LRRC66: variants seen among roughly 807,000 people sequenced by gnomAD.
LRRC66 encodes leucine rich repeat containing 66.
LRRC66 carries 29 observed loss-of-function variants against 24.6 expected under a neutral mutation model. That is an observed-to-expected ratio of 1.18 (90% CI 0.88 to 1.61). The LOEUF (loss-of-function observed/expected upper bound fraction) is 1.61. Ranked by LOEUF, LRRC66 falls within the 40% of genes most tolerant of loss-of-function variation. LRRC66 has a pLI of 0.00. For synonymous variants in LRRC66, 411 were observed against 397.6 expected (o/e 1.03, Z -0.40); for missense variants, 1,124 against 1,058.0 (o/e 1.06, Z -0.87).
intron 2 of LRRC66, among the ~76,000 whole-genome samples, chr4:52,004,520 A>C (rs1220259441): frequency 6.6e-6 from 1 of 152,212 alleles, no homozygotes; most frequent in Non-Finnish European, 1.5e-5. Context: ...ACTGAAAATA[A>C]ATAAAGGTTG....
intron 1 of LRRC66, among the ~76,000 whole-genome samples, chr4:52,019,227 C>T (rs955102667): frequency 6.6e-6 from 1 of 152,154 alleles, no homozygotes; most frequent in Non-Finnish European, 1.5e-5. Context: ...ATGGCCTGGT[C>T]ATTTTTCCTG....
Position 51,995,146 on chromosome 4 carries a change from C to T in LRRC66, c.1876G>A (p.Val626Met), listed in dbSNP as rs2110189774. 1 of 1,614,228 alleles carries T rather than the reference C, an allele frequency of 6.2e-7. No homozygotes were observed. The highest frequency in any genetic ancestry group is 8.5e-7 in the Non-Finnish European group (1 of 1,180,038). Reference sequence around the variant, plus strand: ...CTCAGCAAATCAATGGATGAACTCACTTGCCTTTCCTTAGAAAATTCCATC... The same window carrying T: ...CTCAGCAAATCAATGGATGAACTCATTTGCCTTTCCTTAGAAAATTCCATC... ...SQMEFSKERQ[V>M]SSSIDLLSIQ... The change falls in exon 5 of 5, where the codon GTG becomes ATG. Residue 626 changes from valine to methionine, a missense_variant. Physicochemically the swap from Val to Met is conservative, Grantham distance 21 (BLOSUM62 1). Coordinates refer to ENST00000682860, the MANE Select transcript of LRRC66 (RefSeq NM_001024611.3).
chr4:51,996,051 G>A lies in LRRC66; in HGVS notation c.971C>T (p.Pro324Leu). The A allele has an allele frequency of 6.2e-7, 1 of 1,613,902 alleles. No homozygotes were observed. The highest frequency in any genetic ancestry group is 8.5e-7 in the Non-Finnish European group (1 of 1,179,984). Residue 324 changes from proline (P) to leucine (L), a missense_variant, in exon 5 of 5, where the codon CCC (proline) becomes CTC (leucine). By Grantham distance (98) the Pro-to-Leu change is moderately conservative. Coordinates refer to ENST00000682860, the MANE Select transcript of LRRC66 (RefSeq NM_001024611.3). ...AATGCCCGTGTGCCTTCCTCCCTGG[G>A]GCCTCTCTGCTTTGCTCCTTATGAG... ...KSLIRSKAERPQGGRHTGIST... is the reference protein window; with the variant it reads ...KSLIRSKAERLQGGRHTGIST...
intron 2 of LRRC66, among the ~76,000 whole-genome samples, chr4:52,011,303 T>C (rs910686045): frequency 1.3e-5 from 2 of 152,242 alleles, no homozygotes; most frequent in Non-Finnish European, 2.9e-5. Flanking sequence ...GGTCAAATTA[T>C]GTAGGTGAGC....
intron 2 of LRRC66, among the ~76,000 whole-genome samples, chr4:52,007,923 C>A (rs1274329397): frequency 1.3e-5 from 2 of 152,104 alleles, no homozygotes; most frequent in African/African-American, 4.8e-5. Context: ...GGGACGAGCC[C>A]TTGAGGAATA....
chr4:52,020,099 G>A (rs534218804), intron 1 of LRRC66, among the ~76,000 whole-genome samples: 35 of 152,232 alleles, frequency 2.3e-4, no homozygotes, highest in Non-Finnish European at 4.6e-4. Context: ...GGAGGAAGCA[G>A]TTAGAAATAC....
intron 3 of LRRC66, among the ~76,000 whole-genome samples, chr4:51,999,266 T>C (rs780501900): frequency 1.3e-5 from 2 of 152,250 alleles, no homozygotes; most frequent in Non-Finnish European, 2.9e-5. Flanking sequence ...CCAATTGCTT[T>C]ATAGACACCC....
chr4:52,017,312 G>T lies in LRRC66; in HGVS notation c.302C>A (p.Thr101Asn). The change falls in exon 2 of 5, where the codon ACC (threonine) becomes AAC (asparagine). Residue 101 changes from threonine to asparagine, a missense_variant. By Grantham distance (65) the Thr-to-Asn change is moderately conservative. Transcript: ENST00000682860. ...DLSNNLISKI[T>N]LSPFAYLHAL... The stretch of plus-strand genomic sequence containing the variant: ...ATGTAAATATGCAAAAGGGCTTAAG[G>T]TTATTTTTGATATGAGATTGTTACT... 1 of 1,614,124 alleles carries T rather than the reference G, an allele frequency of 6.2e-7. No homozygotes were observed. Among genetic ancestry groups the T allele is most frequent in the Non-Finnish European group, 8.5e-7 (1 of 1,179,988 alleles).
At chr4:52,011,821 T>C (rs950075689) in intron 2 of LRRC66, among the ~76,000 whole-genome samples, 38 of 152,126 alleles carry the variant, frequency 2.5e-4, no homozygotes, top group Non-Finnish European at 4.6e-4. Flanking sequence ...CAGGAAGCTT[T>C]TTTAGGTTAA....
chr4:52,014,395 T>C (rs1736767117), intron 2 of LRRC66, among the ~76,000 whole-genome samples: 1 of 152,252 alleles, frequency 6.6e-6, no homozygotes, highest in Non-Finnish European at 1.5e-5. Flanking sequence ...GATTCTGAAG[T>C]AGTTTTCATA....
rs1736264686 is a variant in LRRC66, at chr4:51,995,104, G to A, written c.1918C>T (p.Leu640=). 1.2e-6 allele frequency: 2 copies of A among 1,614,130 alleles called. No homozygotes were observed. Among genetic ancestry groups the A allele is most frequent in the African/African-American group, 2.7e-5 (2 of 74,944 alleles). ...GCTTCCTCAGCCCTTGCCCCGGACA[G>A]CCTTGGCTGCTGTATGCTCAGCAAA... is the stretch of plus-strand genomic sequence containing the variant. ...IDLLSIQQPR[L]SGARAEEALS... is the part of the protein sequence containing the mutation. The change falls in exon 5 of 5, where the codon CTG becomes TTG. Residue 640 remains leucine (L), a synonymous_variant. Transcript: ENST00000682860.
At chr4:52,001,972 C>T (rs894225318) in intron 3 of LRRC66, among the ~76,000 whole-genome samples, 1 of 152,164 alleles carries the variant, frequency 6.6e-6, no homozygotes, top group African/African-American at 2.4e-5. Context: ...AGTATTTAAA[C>T]ATATATATCA....
rs959515975 is a variant in LRRC66, at chr4:51,994,397, GTC to G, written c.2623_2624del (p.Asp875LeufsTer11). On this transcript the variant is annotated frameshift_variant, in exon 5 of 5. Transcript: ENST00000682860. LOFTEE classifies it low-confidence loss of function (END_TRUNC). Reference sequence around the variant, plus strand: ...AAGATTCTTATTTTAAAATGTCTGAGTCTCTTTCATGGAAGGCAGCCTTATCA... The same window carrying G: ...AAGATTCTTATTTTAAAATGTCTGAGTCTTTCATGGAAGGCAGCCTTATCA... Reference protein sequence around the residue: ...DPDKAAFHERDSDILK With the variant: ...DPDKAAFHERXSDILK The G allele has an allele frequency of 6.2e-7, 1 of 1,610,818 alleles. No homozygotes were observed. The highest frequency in any genetic ancestry group is 8.5e-7 in the Non-Finnish European group (1 of 1,178,840).
intron 2 of LRRC66, among the ~76,000 whole-genome samples, chr4:52,014,662 C>T (rs1465487764): frequency 6.6e-6 from 1 of 152,136 alleles, no homozygotes; most frequent in Non-Finnish European, 1.5e-5. Flanking sequence ...CAGCCATAGT[C>T]ACAGAATCAT....
chr4:51,994,814 C>G lies in LRRC66; in HGVS notation c.2208G>C (p.Gln736His). The change falls in exon 5 of 5, where the codon CAG becomes CAC. Residue 736 changes from glutamine (Q) to histidine (H), a missense_variant. Gln to His is a conservative substitution (Grantham distance 24, BLOSUM62 0). Transcript: ENST00000682860. ...EEAVPDEESLQDESSGASKDN... is the reference protein window; with the variant it reads ...EEAVPDEESLHDESSGASKDN... ...CCTTGCTTGCCCCTGAGCTCTCGTC[C>G]TGCAGGGACTCCTCATCAGGCACTG... 6.2e-7 allele frequency: 1 copy of G among 1,614,222 alleles called. No homozygotes were observed. The highest frequency in any genetic ancestry group is 8.5e-7 in the Non-Finnish European group (1 of 1,180,024).
chr4:51,998,007 C>T, intron 3 of LRRC66, 70 bp from the exon 4 acceptor site: 1 of 1,314,562 alleles, frequency 7.6e-7, no homozygotes, highest in Non-Finnish European at 1.1e-6. Context: ...AAATGAGTTA[C>T]AGAAAACTAC....
At position 51,994,551 on chromosome 4, in the gene LRRC66, T is replaced by G. The variant is rs1293697894; in HGVS notation, c.2471A>C (p.Tyr824Ser). The change falls in exon 5 of 5, where the codon TAT becomes TCT. Residue 824 changes from tyrosine (Y) to serine (S), a missense_variant. Transcript: ENST00000682860. Reference sequence around the variant, plus strand: ...GGATTGAAGAGCTGTGTCATAATCATAAGTGAACATGCCCGGAAACTCATC... The same window carrying G: ...GGATTGAAGAGCTGTGTCATAATCAGAAGTGAACATGCCCGGAAACTCATC... Reference protein sequence around the residue: ...LGDEFPGMFTYDYDTALQSKA... With the variant: ...LGDEFPGMFTSDYDTALQSKA... 6.2e-7 allele frequency: 1 copy of G among 1,614,188 alleles called. No individual in the cohort carries two copies. Among genetic ancestry groups the G allele is most frequent in the Non-Finnish European group, 8.5e-7 (1 of 1,180,028 alleles).
rs1478236834 is a variant in LRRC66, at chr4:51,996,007, C to T, written c.1015G>A (p.Ala339Thr). Residue 339 changes from alanine (A) to threonine (T), a missense_variant, in exon 5 of 5, where the codon GCA becomes ACA. Transcript: ENST00000682860. ...HTGISTLGKK[A>T]KAGSGLRKKQ... is the part of the protein sequence containing the mutation. ...TTCCTGAGACCAGAGCCGGCCTTTGCCTTCTTCCCCAGAGTAGAAATGCCC... is the reference window on the plus strand; with the variant it reads ...TTCCTGAGACCAGAGCCGGCCTTTGTCTTCTTCCCCAGAGTAGAAATGCCC... The T allele has an allele frequency of 5.0e-6, 8 of 1,613,892 alleles. No homozygotes were observed. The highest frequency in any genetic ancestry group is 5.9e-6 in the Non-Finnish European group (7 of 1,179,944).
intron 3 of LRRC66, 130 bp downstream of exon 3, chr4:52,003,093 A>T (rs554057774): frequency 1.4e-6 from 1 of 706,556 alleles, no homozygotes; most frequent in Non-Finnish European, 2.2e-6. Flanking sequence ...GGGATCTTAA[A>T]ATAGACTAAC....
Sources: allele counts gnomAD v4.1 joint callset (sites outside exome capture counted in the v4.1 genomes callset), GRCh38; gene constraint gnomAD v4.1.1; transcripts MANE v1.5; gene names NCBI Gene and HGNC (gene_info 2026-07-23, HGNC 2026-07-21).